The following TYW1B variants were observed in gnomAD, a reference collection of about 807,000 sequenced individuals.
TYW1B encodes S-adenosyl-L-methionine-dependent tRNA 4-demethylwyosine synthase TYW1B.
TYW1B carries 73 observed loss-of-function variants against 86.9 expected under a neutral mutation model. The observed-to-expected ratio is 0.84, with a 90% CI of 0.70 to 1.02. The LOEUF (loss-of-function observed/expected upper bound fraction) is 1.02. TYW1B is among the 50% of genes least tolerant of loss of function. TYW1B has a pLI of 0.00. For synonymous variants in TYW1B, 248 were observed against 292.8 expected (o/e 0.85, Z 1.56); for missense variants, 637 against 827.4 (o/e 0.77, Z 2.82).
At chr7:72,665,400 G>GT (rs1163000156) in intron 11 of TYW1B, among the ~76,000 whole-genome samples, 1 of 152,134 alleles carries the variant, frequency 6.6e-6, no homozygotes, top group Admixed American at 6.5e-5. Context: ...TCAACCTCTG[G>GT]TTCACCTACA....
At chr7:72,632,924 A>C (rs1812577901) in intron 11 of TYW1B, among the ~76,000 whole-genome samples, 2 of 152,124 alleles carry the variant, frequency 1.3e-5, no homozygotes, top group African/African-American at 2.4e-5. Context: ...GTGTGAACCC[A>C]AGCAGTAGTG....
chr7:72,614,632 TA>T (rs34879859), intron 13 of TYW1B, among the ~76,000 whole-genome samples: 453 of 132,822 alleles, frequency 3.4e-3, no homozygotes, highest in Non-Finnish European at 3.2e-3. Context: ...GACTCCATCT[TA>T]AAAAAAAAAA....
At chr7:72,798,037 ACG>A (rs1390901456) in intron 6 of TYW1B, among the ~76,000 whole-genome samples, 11,215 of 43,846 alleles carry the variant, frequency 0.26, 756 homozygotes, top group East Asian at 0.5. Context: ...ACACACACAC[ACG>A]CACACACATA....
intron 3 of TYW1B, among the ~76,000 whole-genome samples, chr7:72,814,116 T>C (rs573554704): frequency 1.3e-5 from 2 of 152,180 alleles, no homozygotes; most frequent in African/African-American, 4.8e-5. Context: ...GACCTTTTGG[T>C]TGGATCGCCC....
chr7:72,612,379 A>C (rs1222274227), intron 13 of TYW1B, among the ~76,000 whole-genome samples: 2 of 152,234 alleles, frequency 1.3e-5, no homozygotes, highest in Non-Finnish European at 2.9e-5. Flanking sequence ...TGCTGAAGGC[A>C]AATGTGGAAG....
intron 13 of TYW1B, among the ~76,000 whole-genome samples, chr7:72,608,892 T>C (rs569073026): frequency 6.6e-6 from 1 of 152,296 alleles, no homozygotes; most frequent in South Asian, 2.1e-4. Flanking sequence ...ATAGAACAGT[T>C]TTCTATCTGG....
chr7:72,575,036 G>A lies in TYW1B; in HGVS notation c.*462C>T, dbSNP rs576946429. Reference sequence around the variant, plus strand: ...TCTTAAGACAGAAGAAAGGGATCAAGCTCTTATCTTAGAAAGCACAGACAC... The same window carrying A: ...TCTTAAGACAGAAGAAAGGGATCAAACTCTTATCTTAGAAAGCACAGACAC... On this transcript the variant is annotated 3_prime_UTR_variant, in exon 14 of 14. Transcript: ENST00000620995. 1 of 994,480 alleles carries A rather than the reference G, an allele frequency of 1.0e-6. No homozygotes were observed. Among genetic ancestry groups the A allele is most frequent in the African/African-American group, 1.7e-5 (1 of 57,470 alleles). 61.6% of individuals were successfully genotyped at this position (994,480 alleles called of 1,614,324 possible). A position where few individuals can be genotyped will look rare whatever the true frequency, so the allele number is the denominator to read the frequency against.
At chr7:72,635,497 G>A (rs534700451) in intron 11 of TYW1B, among the ~76,000 whole-genome samples, 3 of 152,228 alleles carry the variant, frequency 2.0e-5, no homozygotes, top group African/African-American at 7.2e-5. Flanking sequence ...ATCCTACAAT[G>A]CACGGGACAG....
chr7:72,614,583 A>G (rs1812022501), intron 13 of TYW1B, among the ~76,000 whole-genome samples: 1 of 151,114 alleles, frequency 6.6e-6, no homozygotes, highest in Non-Finnish European at 1.5e-5. Context: ...CAGTGAGCCG[A>G]GGTTGCGTCA....
chr7:72,721,156 C>T (rs1355658252), intron 9 of TYW1B, among the ~76,000 whole-genome samples: 1 of 152,112 alleles, frequency 6.6e-6, no homozygotes, highest in Admixed American at 6.6e-5. Context: ...CATTGATGGA[C>T]ATTTGGGTTG....
chr7:72,588,179 C>T (rs1811318435), intron 13 of TYW1B, among the ~76,000 whole-genome samples: 1 of 152,214 alleles, frequency 6.6e-6, no homozygotes. Context: ...ACCATTTTCA[C>T]AGACAAAACT....
intron 11 of TYW1B, among the ~76,000 whole-genome samples, chr7:72,692,422 G>T (rs1185846864): frequency 2.0e-5 from 3 of 152,184 alleles, no homozygotes; most frequent in Admixed American, 2.0e-4. Context: ...GCTGAGGCAG[G>T]AGGATCATTT....
At chr7:72,671,915 A>C (rs1231989783) in intron 11 of TYW1B, among the ~76,000 whole-genome samples, 2 of 151,672 alleles carry the variant, frequency 1.3e-5, no homozygotes, top group Non-Finnish European at 2.9e-5. Flanking sequence ...AAATTCAAGG[A>C]AAGAATAGGA....
At chr7:72,599,474 T>A (rs1180704826) in intron 13 of TYW1B, among the ~76,000 whole-genome samples, 1 of 152,154 alleles carries the variant, frequency 6.6e-6, no homozygotes, top group East Asian at 1.9e-4. Flanking sequence ...ATTAAGATCT[T>A]AATAAGGCAA....
At chr7:72,603,866 T>C in intron 13 of TYW1B, among the ~76,000 whole-genome samples, 1 of 151,846 alleles carries the variant, frequency 6.6e-6, no homozygotes, top group East Asian at 1.9e-4. Flanking sequence ...ATCAAGGTCA[T>C]CAAAAATAAG....
intron 11 of TYW1B, among the ~76,000 whole-genome samples, chr7:72,649,504 T>C (rs1322676828): frequency 2.6e-5 from 4 of 152,170 alleles, no homozygotes; most frequent in Non-Finnish European, 5.9e-5. Flanking sequence ...TCAAGCAACG[T>C]ACTGACTTGG....
chr7:72,663,333 A>G (rs1328737507), intron 11 of TYW1B, among the ~76,000 whole-genome samples: 1 of 152,204 alleles, frequency 6.6e-6, no homozygotes, highest in East Asian at 1.9e-4. Context: ...AAATATCATT[A>G]AAAACAAATT....
chr7:72,773,989 C>G (rs1554470089), intron 7 of TYW1B, among the ~76,000 whole-genome samples: 2 of 147,150 alleles, frequency 1.4e-5, no homozygotes, highest in African/African-American at 5.0e-5. Context: ...CACTTGAACT[C>G]AGGAGGAGGA....
chr7:72,655,088 T>C (rs1813165757), intron 11 of TYW1B, among the ~76,000 whole-genome samples: 1 of 152,000 alleles, frequency 6.6e-6, no homozygotes, highest in Non-Finnish European at 1.5e-5. Context: ...GGTACTCACC[T>C]CCTCCACAAA....
Sources: gnomAD v4.1 joint callset for allele counts (sites outside exome capture counted in the v4.1 genomes callset) on GRCh38, gnomAD v4.1.1 for gene constraint, MANE v1.5 for transcripts, NCBI Gene and HGNC (gene_info 2026-07-23, HGNC 2026-07-21) for gene names.